SYT1: variants seen among roughly 807,000 people sequenced by gnomAD.
SYT1 encodes the protein synaptotagmin 1.
A neutral mutation model predicts 44.8 loss-of-function variants in SYT1; 8 were observed. That is an observed-to-expected ratio of 0.18 (90% CI 0.10 to 0.32). The LOEUF is 0.32. Ranked by LOEUF, SYT1 falls within the 10% of genes least tolerant of loss-of-function variation. The pLI, the probability that SYT1 is intolerant of heterozygous loss-of-function variation, is 1.00. For missense variants in SYT1, 286 were observed against 509.3 expected (o/e 0.56, Z 4.22); for synonymous variants, 154 against 188.8 (o/e 0.82, Z 1.51).
At position 79,285,821 on chromosome 12, in the gene SYT1, C is replaced by T. The variant is rs751003375; in HGVS notation, c.201C>T (p.Val67=). The T allele has an allele frequency of 2.0e-5, 33 of 1,611,084 alleles. No homozygotes were observed. Among genetic ancestry groups the T allele is most frequent in the South Asian group, 1.3e-4 (12 of 90,120 alleles). ...PPWALIAIAI[V]AVLLVLTCCF... Reference sequence around the variant, plus strand: ...GGGCCTTAATTGCAATAGCCATAGTCGCAGTCCTTTTAGTCCTGACCTGCT... The same window carrying T: ...GGGCCTTAATTGCAATAGCCATAGTTGCAGTCCTTTTAGTCCTGACCTGCT... The change falls in exon 5 of 11, where the codon GTC becomes GTT. Residue 67 remains valine, a synonymous_variant. Coordinates refer to ENST00000261205, the MANE Select transcript of SYT1 (RefSeq NM_005639.3).
chr12:79,346,770 A>T (rs1882625611), intron 8 of SYT1, among the ~76,000 whole-genome samples: 1 of 152,224 alleles, frequency 6.6e-6, no homozygotes, highest in Non-Finnish European at 1.5e-5. Flanking sequence ...CTATTTACAA[A>T]GCAGATGACT....
intron 3 of SYT1, among the ~76,000 whole-genome samples, chr12:79,112,037 A>G (rs957150106): frequency 3.9e-5 from 6 of 152,114 alleles, no homozygotes; most frequent in African/African-American, 1.4e-4. Flanking sequence ...AAAAAAAAAA[A>G]AACACAAAGA....
rs1364046390 is a variant in SYT1, at chr12:79,243,095, A to C, written c.166+25410A>C. 2.1e-5 allele frequency among the ~76,000 whole-genome samples: 3 copies of C among 141,794 alleles called. No homozygotes were observed. The Admixed American group carries it at 2.2e-4, about 10-fold the overall frequency. The allele number at this position is 141,794 out of a possible 152,430, so 93.0% of individuals were successfully genotyped here. A position where few individuals can be genotyped will look rare whatever the true frequency, so the allele number is the denominator to read the frequency against. ...AACCATCAGATCTTGTGAGACTTAT[A>C]CACTATCATGAGAACAGCAGGGGAA... On this transcript the variant is annotated intron_variant, in intron 4 of 10. Coordinates refer to ENST00000261205, the MANE Select transcript of SYT1 (RefSeq NM_005639.3).
rs1176804239 is a variant in SYT1, at chr12:79,179,460, T to TATATAGATATATCC, written c.-17-38032_-17-38031insTCCATATAGATATA. On this transcript the variant is annotated intron_variant, in intron 3 of 10. Transcript: ENST00000261205. Reference sequence around the variant, plus strand: ...TATCCATATAGATATAGATATAATCTATATAGATATAGATATAGAGATATA... The same window carrying TATATAGATATATCC: ...TATCCATATAGATATAGATATAATCTATATAGATATATCCATATAGATATAGATATAGAGATATA... Among the ~76,000 whole-genome samples, 162 of 78,366 alleles carry TATATAGATATATCC rather than the reference T, an allele frequency of 2.1e-3. 9 individuals carry two copies. The highest frequency in any genetic ancestry group is 3.4e-3 in the Non-Finnish European group (138 of 40,890). 51.4% of individuals were successfully genotyped at this position (78,366 alleles called of 152,430 possible).
At chr12:78,982,597 A>T (rs144335205) in intron 2 of SYT1, among the ~76,000 whole-genome samples, 1 of 152,144 alleles carries the variant, frequency 6.6e-6, no homozygotes, top group Non-Finnish European at 1.5e-5. Flanking sequence ...GAGTTACCTG[A>T]ATCTCTATTT....
intron 1 of SYT1, among the ~76,000 whole-genome samples, chr12:78,961,739 C>T (rs1035880859): frequency 6.6e-6 from 1 of 152,114 alleles, no homozygotes; most frequent in Admixed American, 6.6e-5. Context: ...AAATGACCAT[C>T]CTTCCAGAAG....
intron 8 of SYT1, among the ~76,000 whole-genome samples, chr12:79,312,471 C>T (rs192610932): frequency 2.0e-4 from 30 of 152,266 alleles, no homozygotes; most frequent in Admixed American, 1.7e-3. Flanking sequence ...TCTAGTCCCA[C>T]TCCCCCACAC....
intron 2 of SYT1, among the ~76,000 whole-genome samples, chr12:79,018,653 G>A (rs1412343137): frequency 6.6e-6 from 1 of 152,038 alleles, no homozygotes; most frequent in Non-Finnish European, 1.5e-5. Context: ...AAAAACATTT[G>A]CCACTTGAGG....
chr12:79,300,791 A>T (rs200058900), intron 8 of SYT1, among the ~76,000 whole-genome samples: 2,586 of 24,632 alleles, frequency 0.1, 116 homozygotes, highest in African/African-American at 0.23. Flanking sequence ...TATACTTATT[A>T]TATATATATA....
chr12:79,388,511 A>G (rs937033861), intron 9 of SYT1, among the ~76,000 whole-genome samples: 1 of 152,074 alleles, frequency 6.6e-6, no homozygotes, highest in African/African-American at 2.4e-5. Context: ...ACTGGGAAAC[A>G]TGGCAAAACC....
At chr12:78,887,878 A>T (rs1874833720) in intron 1 of SYT1, among the ~76,000 whole-genome samples, 2 of 151,956 alleles carry the variant, frequency 1.3e-5, no homozygotes. Flanking sequence ...TTTCTCAAGT[A>T]TAATATTGTT....
rs116433512 is a variant in SYT1, at chr12:79,411,044, A to G, written c.929-33029A>G. On this transcript the variant is annotated intron_variant, in intron 9 of 10. Transcript: ENST00000261205. ...AGATAAGCCCGAGATTGGTTGAAGA[A>G]TAATGCAAACCTCAAAATAACAATG... Among the ~76,000 whole-genome samples the G allele has an allele frequency of 7.9e-3, 1,197 of 152,344 alleles. 12 individuals are homozygous for G. Among genetic ancestry groups the G allele is most frequent in the African/African-American group, 0.027 (1,124 of 41,584 alleles).
chr12:79,222,543 A>G (rs1442224339), intron 4 of SYT1, among the ~76,000 whole-genome samples: 1 of 151,804 alleles, frequency 6.6e-6, no homozygotes, highest in African/African-American at 2.4e-5. Flanking sequence ...CACCATGCCC[A>G]GCTAATTTTT....
At chr12:78,910,292 T>C (rs1354866312) in intron 1 of SYT1, among the ~76,000 whole-genome samples, 1 of 151,992 alleles carries the variant, frequency 6.6e-6, no homozygotes, top group Non-Finnish European at 1.5e-5. Context: ...AACAAAAGCA[T>C]GAACTTAAAC....
intron 1 of SYT1, among the ~76,000 whole-genome samples, chr12:78,931,255 G>A (rs1464288590): frequency 1.3e-4 from 8 of 62,404 alleles, no homozygotes; most frequent in African/African-American, 3.6e-4. Flanking sequence ...AGGAAGGAAG[G>A]AAGGAAGGAA....
At chr12:78,903,300 T>G (rs1424851347) in intron 1 of SYT1, among the ~76,000 whole-genome samples, 1 of 151,422 alleles carries the variant, frequency 6.6e-6, no homozygotes, top group Non-Finnish European at 1.5e-5. Context: ...GTATATATAT[T>G]TTTGAGATGG....
chr12:79,314,314 G>T (rs1880975903), intron 8 of SYT1, among the ~76,000 whole-genome samples: 1 of 152,060 alleles, frequency 6.6e-6, no homozygotes, highest in Non-Finnish European at 1.5e-5. Context: ...GACAGCCTAA[G>T]TGTTCAGAAG....
chr12:79,126,910 G>A (rs1416494098), intron 3 of SYT1, among the ~76,000 whole-genome samples: 1 of 152,166 alleles, frequency 6.6e-6, no homozygotes, highest in Non-Finnish European at 1.5e-5. Flanking sequence ...CTTTCAACTT[G>A]AGAATTAACA....
intron 3 of SYT1, among the ~76,000 whole-genome samples, chr12:79,217,075 A>G (rs1179157467): frequency 2.0e-5 from 3 of 152,208 alleles, no homozygotes; most frequent in Admixed American, 6.5e-5. Context: ...TCATTTATCA[A>G]CATTTCCAAT....
Sources: allele counts gnomAD v4.1 joint callset (sites outside exome capture counted in the v4.1 genomes callset), GRCh38; gene constraint gnomAD v4.1.1; transcripts MANE v1.5; gene names NCBI Gene and HGNC (gene_info 2026-07-23, HGNC 2026-07-21).